Variants in CFAP20DC observed in about 807,000 individuals in gnomAD.
CFAP20DC encodes CFAP20 domain containing.
Under a neutral mutation model 101.7 loss-of-function variants are expected in CFAP20DC, and 84 were observed. The ratio of observed to expected loss-of-function variants is 0.83; its 90% CI spans 0.69 to 0.99. The LOEUF (loss-of-function observed/expected upper bound fraction) is 0.99, where lower values mean the gene tolerates loss of function less well. Ranked by LOEUF, CFAP20DC falls within the 50% of genes least tolerant of loss-of-function variation. The pLI is 0.00. For missense variants in CFAP20DC, 1,007 were observed against 970.3 expected (o/e 1.04, Z -0.50); for synonymous variants, 359 against 351.2 (o/e 1.02, Z -0.25).
At chr3:58,815,956 T>G (rs1372933994) in intron 14 of CFAP20DC, among the ~76,000 whole-genome samples, 1 of 151,604 alleles carries the variant, frequency 6.6e-6, no homozygotes, top group African/African-American at 2.4e-5. Context: ...GTGTGGCGAC[T>G]CCTCAGGGAT....
rs1466744372 is a variant in CFAP20DC at position 58,897,825 on chromosome 3, T to C, written c.551-13116A>G. Among the ~76,000 whole-genome samples the C allele has an allele frequency of 6.6e-6, 1 of 152,208 alleles. No homozygotes were observed. Among genetic ancestry groups the C allele is most frequent in the African/African-American group, 2.4e-5 (1 of 41,450 alleles). On this transcript the variant is annotated intron_variant, in intron 6 of 16. Coordinates refer to ENST00000482387, the MANE Select transcript of CFAP20DC (RefSeq NM_001394063.1). The surrounding 1 kb of genome is among the most constrained non-coding windows in gnomAD (Gnocchi z 4.4). ...TGCCCTTAACATTTTCTCTTTCATT[T>C]TGACCTTGGAGAATCTGACGATTAT...
At chr3:58,991,102 T>C (rs2092922948) in intron 4 of CFAP20DC, among the ~76,000 whole-genome samples, 1 of 152,206 alleles carries the variant, frequency 6.6e-6, no homozygotes, top group African/African-American at 2.4e-5. Context: ...ATATCTTTTC[T>C]AGGTACACAA....
At chr3:58,823,728 GT>G in intron 14 of CFAP20DC, among the ~76,000 whole-genome samples, 1 of 152,152 alleles carries the variant, frequency 6.6e-6, no homozygotes, top group East Asian at 1.9e-4. Context: ...GACTATTTAA[GT>G]TTTTGAATAA....
intron 4 of CFAP20DC, among the ~76,000 whole-genome samples, chr3:59,024,991 G>GA (rs1468308945): frequency 6.6e-6 from 1 of 152,180 alleles, no homozygotes; most frequent in Non-Finnish European, 1.5e-5. Context: ...CACTGTTAGT[G>GA]AAGGCAAACA....
chr3:59,011,817 A>G (rs1424280018), intron 4 of CFAP20DC, among the ~76,000 whole-genome samples: 2 of 152,198 alleles, frequency 1.3e-5, no homozygotes, highest in Non-Finnish European at 2.9e-5. Context: ...CAAATGGACA[A>G]TTATTTGTTA....
chr3:58,816,717 G>T (rs1011925430), intron 14 of CFAP20DC, among the ~76,000 whole-genome samples: 1 of 152,168 alleles, frequency 6.6e-6, no homozygotes, highest in Admixed American at 6.5e-5. Context: ...TGGGGGAGGG[G>T]CGCCCGCCAT....
chr3:58,986,978 A>C (rs1226621935), intron 4 of CFAP20DC, among the ~76,000 whole-genome samples: 1 of 152,206 alleles, frequency 6.6e-6, no homozygotes, highest in Non-Finnish European at 1.5e-5. Context: ...AACTATAATA[A>C]GTAAATAGGA....
At chr3:58,910,316 C>T (rs964103793) in intron 6 of CFAP20DC, among the ~76,000 whole-genome samples, 3 of 152,064 alleles carry the variant, frequency 2.0e-5, no homozygotes, top group Non-Finnish European at 2.9e-5. Flanking sequence ...TTCTGAGAAA[C>T]GATGTAAATA....
chr3:58,920,072 C>CT (rs71091396), intron 5 of CFAP20DC, among the ~76,000 whole-genome samples: 895 of 46,816 alleles, frequency 0.019, 149 homozygotes, highest in African/African-American at 0.069. Flanking sequence ...GGTGGATATT[C>CT]TTTTTTTTTT....
downstream of CFAP20DC, among the ~76,000 whole-genome samples, chr3:58,738,596 G>A (rs1008059480): frequency 1.3e-4 from 20 of 152,166 alleles, no homozygotes; most frequent in Admixed American, 1.3e-4. The surrounding 1 kb of genome is among the most constrained non-coding windows in gnomAD (Gnocchi z 4.4). Context: ...CCATTGATGG[G>A]CATTTGGGTT....
At chr3:58,777,509 T>C (rs192230214) in intron 15 of CFAP20DC, among the ~76,000 whole-genome samples, 4 of 152,330 alleles carry the variant, frequency 2.6e-5, no homozygotes, top group Admixed American at 2.0e-4. Flanking sequence ...TTGTAACTAA[T>C]AGGGTCCTCA....
chr3:58,740,894 C>T (rs994502761), downstream of CFAP20DC, among the ~76,000 whole-genome samples: 1 of 152,136 alleles, frequency 6.6e-6, no homozygotes, highest in African/African-American at 2.4e-5. This position sits in a 1 kb window ranked among gnomAD's most constrained non-coding sequence, Gnocchi z 4.6. Flanking sequence ...ATTTTGCATG[C>T]TTTGGAAAGC....
intron 5 of CFAP20DC, among the ~76,000 whole-genome samples, 190 bp downstream of exon 5, chr3:58,937,458 T>A (rs2087864667): frequency 1.3e-5 from 2 of 152,226 alleles, no homozygotes; most frequent in Non-Finnish European, 2.9e-5. Context: ...ATTTTATAGA[T>A]GTTCAAATAA....
chr3:58,778,479 C>T (rs967608776), intron 15 of CFAP20DC, among the ~76,000 whole-genome samples: 1 of 152,216 alleles, frequency 6.6e-6, no homozygotes, highest in African/African-American at 2.4e-5. Flanking sequence ...TACTGCTCAA[C>T]CCCTTGCAGC....
chr3:58,872,568 T>C (rs2080322162), intron 7 of CFAP20DC, among the ~76,000 whole-genome samples: 1 of 152,112 alleles, frequency 6.6e-6, no homozygotes, highest in Admixed American at 6.5e-5. Context: ...GAATTTTTGC[T>C]GAACAGGAGA....
intron 4 of CFAP20DC, among the ~76,000 whole-genome samples, chr3:58,985,250 T>A (rs1259345752): frequency 6.6e-6 from 1 of 152,126 alleles, no homozygotes; most frequent in Non-Finnish European, 1.5e-5. Flanking sequence ...TTTATTAATA[T>A]TCTTCCTATT....
intron 3 of CFAP20DC, among the ~76,000 whole-genome samples, chr3:59,042,553 G>C (rs1015548910): frequency 6.6e-6 from 1 of 151,934 alleles, no homozygotes; most frequent in Non-Finnish European, 1.5e-5. Context: ...GCACGAACGA[G>C]AAAAAGAGTA....
At chr3:58,908,690 C>G (rs1490350186) in intron 6 of CFAP20DC, among the ~76,000 whole-genome samples, 1 of 152,066 alleles carries the variant, frequency 6.6e-6, no homozygotes, top group Non-Finnish European at 1.5e-5. Flanking sequence ...ACAAAAAAAC[C>G]CCACACAAAA....
chr3:58,720,957 G>A (rs547847197), intron 3 of CFAP20DC, among the ~76,000 whole-genome samples: 12 of 152,308 alleles, frequency 7.9e-5, no homozygotes, highest in East Asian at 1.9e-4. Flanking sequence ...CTTGGGATGC[G>A]GCACTTGGGG....
Sources: gnomAD v4.1 joint callset for allele counts (sites outside exome capture counted in the v4.1 genomes callset) on GRCh38, gnomAD v4.1.1 for gene constraint, Gnocchi (gnomAD v3.1) non-coding constraint, MANE v1.5 for transcripts, NCBI Gene and HGNC (gene_info 2026-07-23, HGNC 2026-07-21) for gene names.